The following GUSB variants were observed in gnomAD, a reference collection of about 807,000 sequenced individuals.
GUSB encodes beta-glucuronidase.
Under a neutral mutation model 74.6 loss-of-function variants are expected in GUSB, and 51 were observed. That is an observed-to-expected ratio of 0.68 (90% confidence interval 0.55 to 0.86). The LOEUF (loss-of-function observed/expected upper bound fraction) is 0.86, where lower values mean the gene tolerates loss of function less well. Among genes scored for constraint, GUSB ranks in the 40% least tolerant of loss-of-function variants. GUSB has a pLI of 0.00. For missense variants in GUSB, 736 were observed against 853.7 expected (o/e 0.86, Z 1.72); for synonymous variants, 360 against 348.3 (o/e 1.03, Z -0.37).
At chr7:65,963,702 C>T (rs1199193075) in intron 11 of GUSB, among the ~76,000 whole-genome samples, 1 of 152,296 alleles carries the variant, frequency 6.6e-6, no homozygotes, top group African/African-American at 2.4e-5. Flanking sequence ...CACACCACCA[C>T]GCCTAGCTAA....
chr7:65,969,280 G>A (rs1312763999), intron 9 of GUSB, among the ~76,000 whole-genome samples: 6 of 152,098 alleles, frequency 3.9e-5, no homozygotes, highest in Admixed American at 2.0e-4. Flanking sequence ...TACTCAGGAG[G>A]CCGAGGCAGA....
In GUSB at chr7:65,975,025, T is replaced by C; in HGVS notation, c.959A>G (p.Tyr320Cys). 6.2e-7 allele frequency: 1 copy of C among 1,613,414 alleles called. No individual in the cohort carries two copies. The highest frequency in any genetic ancestry group is 2.2e-5 in the East Asian group (1 of 44,870). The change falls in exon 6 of 12, where the codon TAC becomes TGC. Residue 320 changes from tyrosine to cysteine, a missense_variant. Around this residue, in one of 2 missense-constraint regions of GUSB, gnomAD observed 368 missense variants for 489.9 expected, o/e 0.75. Transcript: ENST00000304895. ...AGTGCGGATCCCCACAGGGAGTGTG[T>C]AGAAGTCAGACACAGGCCCCAGTGA... ...QTSLGPVSDF[Y>C]TLPVGIRTVA...
chr7:65,970,717 G>C (rs899358514), intron 8 of GUSB, among the ~76,000 whole-genome samples: 1 of 151,938 alleles, frequency 6.6e-6, no homozygotes, highest in Non-Finnish European at 1.5e-5. Flanking sequence ...GTGAAACCCC[G>C]TCTCTACTAA....
At chr7:65,979,080 G>A (rs934451303) in intron 4 of GUSB, among the ~76,000 whole-genome samples, 7 of 151,988 alleles carry the variant, frequency 4.6e-5, no homozygotes, top group Non-Finnish European at 8.8e-5. Flanking sequence ...CCCCCCCACC[G>A]AAGCTGCCTG....
intron 11 of GUSB, 83 bp from the exon 12 acceptor site, chr7:65,961,146 C>T: frequency 7.6e-7 from 1 of 1,312,348 alleles, no homozygotes; most frequent in Non-Finnish European, 1.1e-6. Context: ...CTAAGGTAGG[C>T]ACTAAATAGA....
chr7:65,964,473 A>G lies in GUSB; in HGVS notation c.1654-15T>C. The G allele has an allele frequency of 1.2e-6, 2 of 1,610,070 alleles. No homozygotes were observed. The highest frequency in any genetic ancestry group is 1.7e-6 in the Non-Finnish European group (2 of 1,178,226). ...AGAGGTGGATCCTAGGATTCAAGGCAAAGAGAATGTAAGAGTCAGAACTGG... is the reference window on the plus strand; with the variant it reads ...AGAGGTGGATCCTAGGATTCAAGGCGAAGAGAATGTAAGAGTCAGAACTGG... On this transcript the variant is annotated splice_polypyrimidine_tract_variant and intron_variant, in intron 10 of 11. Transcript: ENST00000304895.
chr7:65,981,995 C>G lies in GUSB; in HGVS notation c.189G>C (p.Trp63Cys). 2 of 1,608,994 alleles carry G rather than the reference C, an allele frequency of 1.2e-6. No individual in the cohort carries two copies. Among genetic ancestry groups the G allele is most frequent in the Non-Finnish European group, 1.7e-6 (2 of 1,179,266 alleles). Residue 63 changes from tryptophan to cysteine, a missense_variant, in exon 1 of 12, where the codon TGG (tryptophan) becomes TGC (cysteine). By Grantham distance (215) the Trp-to-Cys change is radical. This residue lies in a region of GUSB where 368 missense variants were observed against 363.8 expected (regional missense o/e 1.01). Coordinates refer to ENST00000304895, the MANE Select transcript of GUSB (RefSeq NM_000181.4). ...GCACCTCCCACAGCGGCCGCCGGTACCACTGCTCCTCGAAGCCCCGGCGTC... is the reference window on the plus strand; with the variant it reads ...GCACCTCCCACAGCGGCCGCCGGTAGCACTGCTCCTCGAAGCCCCGGCGTC... ...DNRRRGFEEQWYRRPLWESGP... is the reference protein window; with the variant it reads ...DNRRRGFEEQCYRRPLWESGP...
In GUSB at chr7:65,974,382, C is replaced by T. The variant is rs749917538; in HGVS notation, c.1304G>A (p.Arg435His). 8.7e-6 allele frequency: 14 copies of T among 1,613,958 alleles called. No individual in the cohort carries two copies. The highest frequency in any genetic ancestry group is 6.7e-5 in the East Asian group (3 of 44,874). The change falls in exon 8 of 12, where the codon CGT (arginine) becomes CAT (histidine). Residue 435 changes from arginine (R) to histidine (H), a missense_variant. By Grantham distance (29) the Arg-to-His change is conservative (BLOSUM62 0). Transcript: ENST00000304895. ...GACCGCGGGGTGGTTCTTGTCCCTA[C>T]GCACCACTTCTTCCATCACCTGCAT... is the stretch of plus-strand genomic sequence containing the variant. ...HHMQVMEEVV[R>H]RDKNHPAVVM...
At chr7:65,980,443 C>T (rs1791931244) in intron 1 of GUSB, 34 bp from the exon 2 acceptor site, 2 of 1,594,442 alleles carry the variant, frequency 1.3e-6, no homozygotes, top group African/African-American at 1.3e-5. Context: ...AGCTCCTAGG[C>T]CCCCAAAAGG....
intron 1 of GUSB, 86 bp from the exon 2 acceptor site, chr7:65,980,495 G>T: frequency 8.1e-7 from 1 of 1,228,716 alleles, no homozygotes; most frequent in Non-Finnish European, 1.2e-6. Flanking sequence ...CCCAGGCCTA[G>T]CACAAGCCCT....
intron 4 of GUSB, among the ~76,000 whole-genome samples, chr7:65,978,687 G>A (rs1251280924): frequency 2.0e-5 from 3 of 150,768 alleles, no homozygotes; most frequent in African/African-American, 4.9e-5. Context: ...CAGGAGAATC[G>A]CTTGAACCCG....
Position 65,980,349 on chromosome 7 carries a change from GC to G in GUSB, c.270del (p.Trp90CysfsTer16). 6.2e-7 allele frequency: 1 copy of G among 1,613,790 alleles called. No individual in the cohort carries two copies. The highest frequency in any genetic ancestry group is 8.5e-7 in the Non-Finnish European group (1 of 1,179,888). ...ACCCAGCCGACAAAATGCCGCAGAC[GC>G]CAGTCCTGGCTGATGTCATTGAAGC... is the stretch of plus-strand genomic sequence containing the variant. ...PSSFNDISQD[W>X]RLRHFVGWVW... On this transcript the variant is annotated frameshift_variant, in exon 2 of 12. Transcript: ENST00000304895. LOFTEE classifies it high-confidence loss of function.
At chr7:65,961,163 T>A in intron 11 of GUSB, 100 bp from the exon 12 acceptor site, 1 of 1,141,158 alleles carries the variant, frequency 8.8e-7, no homozygotes, top group Non-Finnish European at 1.3e-6. Flanking sequence ...TAGAAATGTC[T>A]TTTTTTTTCT....
At position 65,979,924 on chromosome 7, in the gene GUSB, G is replaced by A. The variant is rs1312582474; in HGVS notation, c.397-13C>T. 6.4e-7 allele frequency: 1 copy of A among 1,571,746 alleles called. No homozygotes were observed. The highest frequency in any genetic ancestry group is 8.6e-7 in the Non-Finnish European group (1 of 1,161,600). Reference sequence around the variant, plus strand: ...CCCCATTCACCCACTGCAGACACAGGAGATACGGGGAGGGGGCTGCAGGTC... The same window carrying A: ...CCCCATTCACCCACTGCAGACACAGAAGATACGGGGAGGGGGCTGCAGGTC... On this transcript the variant is annotated splice_polypyrimidine_tract_variant and intron_variant, in intron 2 of 11. Coordinates refer to ENST00000304895, the MANE Select transcript of GUSB (RefSeq NM_000181.4).
chr7:65,962,825 T>C (rs1227575786), intron 11 of GUSB, among the ~76,000 whole-genome samples: 1 of 151,286 alleles, frequency 6.6e-6, no homozygotes, highest in Non-Finnish European at 1.5e-5. Flanking sequence ...TAGGCTGAGA[T>C]AGCGCCACTG....
intron 9 of GUSB, among the ~76,000 whole-genome samples, chr7:65,968,735 C>T (rs866645786): frequency 6.6e-6 from 1 of 152,136 alleles, no homozygotes; most frequent in Admixed American, 6.5e-5. Flanking sequence ...TACAGGCGTG[C>T]GCCACCACGC....
chr7:65,976,969 C>T (rs986440209), intron 4 of GUSB, among the ~76,000 whole-genome samples: 1 of 151,868 alleles, frequency 6.6e-6, no homozygotes, highest in African/African-American at 2.4e-5. Flanking sequence ...AGACACGTGA[C>T]GTGTGAACAA....
At chr7:65,969,373 C>T (rs1554306613) in intron 9 of GUSB, among the ~76,000 whole-genome samples, 1 of 151,780 alleles carries the variant, frequency 6.6e-6, no homozygotes, top group Non-Finnish European at 1.5e-5. Flanking sequence ...AGCAAGATTC[C>T]ATCTCAAAAT....
intron 9 of GUSB, among the ~76,000 whole-genome samples, chr7:65,968,527 CACCTTGCCCTG>C (rs1340097142): frequency 1.3e-5 from 2 of 152,332 alleles, no homozygotes; most frequent in East Asian, 3.9e-4. Flanking sequence ...GGCTTCCCCT[CACCTTGCCCTG>C]GAGAAGCGCT....
Sources: allele counts gnomAD v4.1 joint callset (sites outside exome capture counted in the v4.1 genomes callset), GRCh38; gene constraint gnomAD v4.1.1; regional missense constraint gnomAD v4.1.1; transcripts MANE v1.5; gene names NCBI Gene and HGNC (gene_info 2026-07-23, HGNC 2026-07-21).